Variants in CPNE4 observed in about 807,000 individuals in gnomAD.
CPNE4 encodes copine-4.
CPNE4 carries 25 observed loss-of-function variants against 67.9 expected under a neutral mutation model. The observed-to-expected ratio is 0.37, with a 90% CI of 0.27 to 0.51. CPNE4 has a LOEUF of 0.51. CPNE4 is among the 20% of genes least tolerant of loss of function. The probability of loss-of-function intolerance (pLI) is 0.93; values close to 1 mark genes in which losing one functional copy is unlikely to be tolerated. For synonymous variants in CPNE4, 242 were observed against 244.9 expected (o/e 0.99, Z 0.11); for missense variants, 464 against 690.8 (o/e 0.67, Z 3.68).
At chr3:132,033,353 T>A (rs184126220) in intron 1 of CPNE4, among the ~76,000 whole-genome samples, 3 of 152,270 alleles carry the variant, frequency 2.0e-5, no homozygotes, top group African/African-American at 7.2e-5. Flanking sequence ...TGAGGCATCT[T>A]TTCCCACAAG....
chr3:131,619,098 G>A lies in CPNE4; in HGVS notation c.682-31516C>T, dbSNP rs371470149. Among the ~76,000 whole-genome samples the A allele has an allele frequency of 3.3e-5, 5 of 152,248 alleles. No individual in the cohort carries two copies. The South Asian group carries it at 6.2e-4, about 19-fold the overall frequency. Reference sequence around the variant, plus strand: ...CAAGGGAGCAATTGTTGGGGAAGGGGATATGATTGTAGGTAAAATAGGGAG... The same window carrying A: ...CAAGGGAGCAATTGTTGGGGAAGGGAATATGATTGTAGGTAAAATAGGGAG... On this transcript the variant is annotated intron_variant, in intron 7 of 15. Coordinates refer to ENST00000429747, the MANE Select transcript of CPNE4 (RefSeq NM_130808.3).
At chr3:131,573,512 T>C (rs780370510) in intron 10 of CPNE4, among the ~76,000 whole-genome samples, 51 of 152,208 alleles carry the variant, frequency 3.4e-4, no homozygotes, top group Non-Finnish European at 6.8e-4. Flanking sequence ...CAGCACAATT[T>C]GAAGGGCAGA....
At chr3:131,627,211 GA>G (rs1399858588) in intron 7 of CPNE4, among the ~76,000 whole-genome samples, 1 of 132,672 alleles carries the variant, frequency 7.5e-6, no homozygotes, top group Non-Finnish European at 1.6e-5. Flanking sequence ...AAAAAAAAAA[GA>G]AAAAAAGAAA....
chr3:131,824,135 G>A (rs907786111), intron 2 of CPNE4, among the ~76,000 whole-genome samples: 1 of 151,882 alleles, frequency 6.6e-6, no homozygotes, highest in Non-Finnish European at 1.5e-5. Context: ...CTAGTCTGTA[G>A]TACTTTATAT....
chr3:131,715,841 T>C (rs1035176337), intron 3 of CPNE4, among the ~76,000 whole-genome samples: 1 of 152,174 alleles, frequency 6.6e-6, no homozygotes. Flanking sequence ...GGATCACATC[T>C]CTCTTTGGCG....
At chr3:132,030,909 A>G (rs2074222295) in intron 1 of CPNE4, among the ~76,000 whole-genome samples, 1 of 152,216 alleles carries the variant, frequency 6.6e-6, no homozygotes, top group Admixed American at 6.5e-5. Flanking sequence ...TATTTCAAAT[A>G]ACATAGAAAA....
At chr3:131,651,250 A>G (rs1648763618) in intron 7 of CPNE4, among the ~76,000 whole-genome samples, 1 of 152,186 alleles carries the variant, frequency 6.6e-6, no homozygotes, top group Admixed American at 6.5e-5. Flanking sequence ...GATATTTTAA[A>G]CACTATGGGG....
upstream of CPNE4, chr3:132,037,589 G>A: frequency 1.3e-6 from 2 of 1,535,962 alleles, no homozygotes; most frequent in Non-Finnish European, 1.7e-6. Flanking sequence ...TGGATTCTGA[G>A]CTGCTGGGTT....
At chr3:131,615,620 G>T (rs912006433) in intron 7 of CPNE4, among the ~76,000 whole-genome samples, 2 of 152,092 alleles carry the variant, frequency 1.3e-5, no homozygotes, top group African/African-American at 4.8e-5. Flanking sequence ...TGTGCTTTTT[G>T]AGTTGGAATT....
At chr3:131,787,664 T>A (rs905629991) in intron 2 of CPNE4, among the ~76,000 whole-genome samples, 1 of 152,164 alleles carries the variant, frequency 6.6e-6, no homozygotes, top group Non-Finnish European at 1.5e-5. Flanking sequence ...TAACTGGCCA[T>A]GCAATTTCAT....
At chr3:131,567,087 A>G (rs559342082) in intron 10 of CPNE4, among the ~76,000 whole-genome samples, 3 of 152,062 alleles carry the variant, frequency 2.0e-5, no homozygotes, top group African/African-American at 7.2e-5. Context: ...ACTAAAGCTA[A>G]CAATCTGTCC....
intron 2 of CPNE4, among the ~76,000 whole-genome samples, chr3:131,887,560 G>T (rs1282900761): frequency 6.6e-6 from 1 of 152,184 alleles, no homozygotes; most frequent in Middle Eastern, 3.2e-3. Context: ...GAAGATACTA[G>T]CTGTTTTTAT....
chr3:131,675,617 A>G (rs1371354307), intron 6 of CPNE4, among the ~76,000 whole-genome samples: 1 of 152,046 alleles, frequency 6.6e-6, no homozygotes. Context: ...TGATGTAAGT[A>G]TAGTTACTCC....
upstream of CPNE4, among the ~76,000 whole-genome samples, chr3:132,039,165 T>C (rs547975517): frequency 1.8e-4 from 28 of 152,350 alleles, no homozygotes; most frequent in South Asian, 5.8e-3. Flanking sequence ...AGCACTGATC[T>C]AGCCATTGAG....
intron 2 of CPNE4, among the ~76,000 whole-genome samples, chr3:131,812,911 C>A (rs1399823002): frequency 6.6e-6 from 1 of 152,124 alleles, no homozygotes; most frequent in Non-Finnish European, 1.5e-5. Flanking sequence ...GAAAGAATAA[C>A]ATTTTAGGTA....
At chr3:131,597,374 T>C (rs112421795) in intron 7 of CPNE4, among the ~76,000 whole-genome samples, 72 of 152,198 alleles carry the variant, frequency 4.7e-4, no homozygotes, top group African/African-American at 1.7e-3. Flanking sequence ...GATGGGTTGA[T>C]GGGTGCAGCA....
At chr3:131,984,012 G>C (rs1249221268) in intron 1 of CPNE4, among the ~76,000 whole-genome samples, 2 of 152,146 alleles carry the variant, frequency 1.3e-5, no homozygotes, top group Non-Finnish European at 2.9e-5. Context: ...GAAGCATTTT[G>C]CCCTTCTGAC....
intron 1 of CPNE4, among the ~76,000 whole-genome samples, chr3:131,948,889 A>C (rs1327370154): frequency 6.6e-6 from 1 of 152,218 alleles, no homozygotes; most frequent in African/African-American, 2.4e-5. Context: ...TAAATAGGCC[A>C]TTCTAAAGAC....
intron 1 of CPNE4, among the ~76,000 whole-genome samples, chr3:131,963,123 G>A (rs775721237): frequency 7.2e-5 from 11 of 152,064 alleles, no homozygotes; most frequent in East Asian, 1.9e-4. Context: ...AGGGTAGGGC[G>A]TTGCCTCACC....
Sources: allele counts gnomAD v4.1 joint callset (sites outside exome capture counted in the v4.1 genomes callset), GRCh38; gene constraint gnomAD v4.1.1; transcripts MANE v1.5; gene names NCBI Gene and HGNC (gene_info 2026-07-23, HGNC 2026-07-21).